Variants in EXOC6B observed in about 807,000 individuals in gnomAD.
The protein encoded by EXOC6B is exocyst complex component 6B.
EXOC6B carries 54 observed loss-of-function variants against 113.5 expected under a neutral mutation model. That is an observed-to-expected ratio of 0.48 (90% CI 0.38 to 0.60). EXOC6B has a LOEUF of 0.60. Ranked by LOEUF, EXOC6B falls within the 20% of genes least tolerant of loss-of-function variation. The probability of loss-of-function intolerance (pLI) is 0.00; values close to 1 mark genes in which losing one functional copy is unlikely to be tolerated. For synonymous variants in EXOC6B, 357 were observed against 339.0 expected, an observed-to-expected ratio of 1.05 and a Z score of -0.58; for missense variants, 797 against 977.5, an observed-to-expected ratio of 0.82 and a Z score of 2.46.
At chr2:72,548,260 C>T (rs955459020) in intron 8 of EXOC6B, among the ~76,000 whole-genome samples, 6 of 152,042 alleles carry the variant, frequency 3.9e-5, no homozygotes, top group Non-Finnish European at 5.9e-5. Flanking sequence ...AGACCATGAC[C>T]GAAATCTGAC....
chr2:72,200,479 T>C (rs1216522404), intron 20 of EXOC6B, among the ~76,000 whole-genome samples: 1 of 152,220 alleles, frequency 6.6e-6, no homozygotes, highest in Non-Finnish European at 1.5e-5. Flanking sequence ...GTGCTGGGAT[T>C]ACAGGCACAA....
At chr2:72,355,660 C>G (rs559619112) in intron 19 of EXOC6B, among the ~76,000 whole-genome samples, 1 of 152,300 alleles carries the variant, frequency 6.6e-6, no homozygotes, top group Non-Finnish European at 1.5e-5. Context: ...AATCTTCTGA[C>G]TTAATGCTTC....
intron 20 of EXOC6B, among the ~76,000 whole-genome samples, chr2:72,237,814 A>G (rs1043464968): frequency 6.6e-6 from 1 of 152,174 alleles, no homozygotes; most frequent in African/African-American, 2.4e-5. Context: ...GATGGAGAAG[A>G]GGCAAGAGAG....
intron 17 of EXOC6B, among the ~76,000 whole-genome samples, chr2:72,472,754 C>T (rs984837563): frequency 6.6e-4 from 100 of 151,906 alleles, no homozygotes; most frequent in African/African-American, 2.4e-3. Flanking sequence ...CTTTCCTGTT[C>T]CTTGAGGTAT....
intron 1 of EXOC6B, among the ~76,000 whole-genome samples, chr2:72,741,910 C>T (rs1221346547): frequency 6.6e-6 from 1 of 152,172 alleles, no homozygotes; most frequent in Non-Finnish European, 1.5e-5. Context: ...CAGTCAATAT[C>T]GCTAGATAAT....
intron 20 of EXOC6B, among the ~76,000 whole-genome samples, chr2:72,284,149 A>C (rs920082905): frequency 6.6e-6 from 1 of 152,136 alleles, no homozygotes; most frequent in African/African-American, 2.4e-5. Context: ...CATTACCCTA[A>C]TATCAAGTCT....
intron 13 of EXOC6B, among the ~76,000 whole-genome samples, chr2:72,497,100 A>C (rs1024000050): frequency 6.6e-6 from 1 of 151,538 alleles, no homozygotes; most frequent in African/African-American, 2.4e-5. Context: ...CAGCCTCCCA[A>C]GTAGCTGAAA....
intron 1 of EXOC6B, among the ~76,000 whole-genome samples, chr2:72,755,893 G>T (rs1286379503): frequency 1.3e-5 from 2 of 152,082 alleles, no homozygotes; most frequent in Admixed American, 1.3e-4. Flanking sequence ...ATTTTTTATG[G>T]TACTGAGCAG....
At chr2:72,687,929 C>A (rs1202496683) in intron 6 of EXOC6B, among the ~76,000 whole-genome samples, 1 of 152,122 alleles carries the variant, frequency 6.6e-6, no homozygotes, top group African/African-American at 2.4e-5. Flanking sequence ...CCCTCCCCCA[C>A]CACACACAGA....
chr2:72,360,516 G>A (rs1349052660), intron 19 of EXOC6B, among the ~76,000 whole-genome samples: 6 of 152,262 alleles, frequency 3.9e-5, no homozygotes, highest in East Asian at 1.9e-4. Context: ...TCCCACTGAG[G>A]GAGAAGCTAT....
intron 15 of EXOC6B, among the ~76,000 whole-genome samples, chr2:72,493,200 A>C (rs930692282): frequency 5.3e-5 from 8 of 152,046 alleles, no homozygotes; most frequent in Admixed American, 4.6e-4. Context: ...CAGGTGCAGG[A>C]GTCTGTCCCC....
intron 19 of EXOC6B, among the ~76,000 whole-genome samples, chr2:72,379,461 G>T (rs1691550891): frequency 6.6e-6 from 1 of 152,158 alleles, no homozygotes; most frequent in African/African-American, 2.4e-5. Flanking sequence ...TCTATTAAAT[G>T]CACGCCTCCC....
At chr2:72,353,423 G>A (rs1558584218) in intron 19 of EXOC6B, among the ~76,000 whole-genome samples, 3 of 123,304 alleles carry the variant, frequency 2.4e-5, no homozygotes, top group African/African-American at 9.2e-5. Context: ...CCAGGCTGGA[G>A]TGCATTGGCA....
intron 6 of EXOC6B, among the ~76,000 whole-genome samples, chr2:72,592,210 A>T (rs1024807794): frequency 6.6e-6 from 1 of 152,180 alleles, no homozygotes; most frequent in African/African-American, 2.4e-5. Flanking sequence ...GCATCCAGGA[A>T]AGGAAAGTGG....
chr2:72,470,864 CATT>C (rs1698365273), intron 17 of EXOC6B, among the ~76,000 whole-genome samples: 1 of 152,120 alleles, frequency 6.6e-6, no homozygotes, highest in African/African-American at 2.4e-5. Flanking sequence ...TCCAGTCTAT[CATT>C]GTTGGACATT....
intron 5 of EXOC6B, among the ~76,000 whole-genome samples, chr2:72,723,484 A>G (rs1357610369): frequency 6.6e-6 from 1 of 152,202 alleles, no homozygotes; most frequent in African/African-American, 2.4e-5. Context: ...GAATTCTTTC[A>G]CAGTGATGGT....
At position 72,248,113 on chromosome 2, in the gene EXOC6B, C is replaced by T. The variant is rs554893677; in HGVS notation, c.2197-63926G>A. ...CAATTTCCACATTACCTGACTTCCT[C>T]TGCCAGAATCTGAACTACTTAGACA... On this transcript the variant is annotated intron_variant, in intron 20 of 21. Coordinates refer to ENST00000272427, the MANE Select transcript of EXOC6B (RefSeq NM_015189.3). Among the ~76,000 whole-genome samples the T allele has an allele frequency of 5.3e-5, 8 of 152,326 alleles. No individual in the cohort carries two copies. The East Asian group carries it at 1.5e-3, about 29-fold the overall frequency.
At chr2:72,750,569 G>GAAA (rs1380349700) in intron 1 of EXOC6B, among the ~76,000 whole-genome samples, 1 of 152,064 alleles carries the variant, frequency 6.6e-6, no homozygotes, top group African/African-American at 2.4e-5. Context: ...AGATAAAATA[G>GAAA]AAAAACACTT....
chr2:72,661,457 A>G (rs1307725256), intron 6 of EXOC6B, among the ~76,000 whole-genome samples: 3 of 152,014 alleles, frequency 2.0e-5, no homozygotes, highest in African/African-American at 7.2e-5. Context: ...ATAAATATCA[A>G]CAATACTTCT....
Sources: allele counts gnomAD v4.1 joint callset (sites outside exome capture counted in the v4.1 genomes callset), GRCh38; gene constraint gnomAD v4.1.1; transcripts MANE v1.5; gene names NCBI Gene and HGNC (gene_info 2026-07-23, HGNC 2026-07-21).